The following DENND1A variants were observed in gnomAD, a reference collection of about 807,000 sequenced individuals.
DENND1A encodes DENN domain-containing protein 1A.
A neutral mutation model predicts 113.7 loss-of-function variants in DENND1A; 51 were observed. That is an observed-to-expected ratio of 0.45 (90% CI 0.36 to 0.57). DENND1A has a LOEUF of 0.57. Among genes scored for constraint, DENND1A ranks in the 20% least tolerant of loss-of-function variants. The pLI is 0.00. For synonymous variants in DENND1A, 565 were observed against 570.8 expected, an observed-to-expected ratio of 0.99 and a Z score of 0.14; for missense variants, 1,258 against 1,395.9, an observed-to-expected ratio of 0.90 and a Z score of 1.57.
chr9:123,430,454 GA>G (rs2046051647), intron 19 of DENND1A, among the ~76,000 whole-genome samples: 1 of 152,118 alleles, frequency 6.6e-6, no homozygotes, highest in Non-Finnish European at 1.5e-5. Flanking sequence ...ATGATAGACT[GA>G]AAAAAGAAAA....
chr9:123,453,419 A>C (rs55746615), intron 16 of DENND1A, among the ~76,000 whole-genome samples: 16 of 152,326 alleles, frequency 1.1e-4, no homozygotes, highest in Non-Finnish European at 1.8e-4. Flanking sequence ...GAAGCTGAAA[A>C]GCCATGGCGT....
chr9:123,432,962 C>T (rs72755177), intron 19 of DENND1A, among the ~76,000 whole-genome samples: 2,893 of 152,226 alleles, frequency 0.019, 40 homozygotes, highest in Non-Finnish European at 0.031. Context: ...TGCATAGGGC[C>T]GCCCCTGAGG....
intron 19 of DENND1A, 87 bp downstream of exon 19, chr9:123,440,273 A>G (rs2046826606): frequency 7.0e-7 from 1 of 1,435,798 alleles, no homozygotes; most frequent in Non-Finnish European, 9.2e-7. Context: ...ACTGAAATGA[A>G]AAACCGTCTG....
chr9:123,569,965 C>A (rs1386914147), intron 12 of DENND1A, among the ~76,000 whole-genome samples: 2 of 152,116 alleles, frequency 1.3e-5, no homozygotes, highest in Non-Finnish European at 2.9e-5. Context: ...TTTTTGTGAC[C>A]ATTCCCAATC....
intron 10 of DENND1A, among the ~76,000 whole-genome samples, chr9:123,611,651 T>C (rs544033595): frequency 1.6e-4 from 25 of 152,228 alleles, no homozygotes; most frequent in Admixed American, 5.9e-4. Context: ...CATTTAATCA[T>C]GCAATTGACC....
At position 123,599,901 on chromosome 9, in the gene DENND1A, A is replaced by G. The variant is rs117192077; in HGVS notation, c.765+9535T>C. Among the ~76,000 whole-genome samples the G allele has an allele frequency of 8.8e-3, 1,342 of 152,338 alleles. 11 individuals are homozygous for G. The highest frequency in any genetic ancestry group is 0.027 in the Middle Eastern group (8 of 292). On this transcript the variant is annotated intron_variant, in intron 11 of 23. Coordinates refer to ENST00000394215, the MANE Select transcript of DENND1A (RefSeq NM_001352964.2). Reference sequence around the variant, plus strand: ...ACTGTGGTGACCTCACATATCAACAACAAATGCCTGATGGTCACAAACCCA... The same window carrying G: ...ACTGTGGTGACCTCACATATCAACAGCAAATGCCTGATGGTCACAAACCCA...
intron 9 of DENND1A, among the ~76,000 whole-genome samples, chr9:123,644,099 C>T (rs192872402): frequency 4.0e-4 from 61 of 152,086 alleles, no homozygotes; most frequent in South Asian, 3.5e-3. Context: ...CATCAACTTT[C>T]GGGGGTGCTA....
chr9:123,490,690 G>A (rs2051294843), intron 13 of DENND1A, among the ~76,000 whole-genome samples: 2 of 151,192 alleles, frequency 1.3e-5, no homozygotes, highest in Non-Finnish European at 2.9e-5. Flanking sequence ...AAAAAACAAG[G>A]TAAATTAATC....
At chr9:123,896,897 A>G (rs1004023913) in intron 1 of DENND1A, among the ~76,000 whole-genome samples, 2 of 152,208 alleles carry the variant, frequency 1.3e-5, no homozygotes, top group Non-Finnish European at 2.9e-5. Context: ...AATACTCTGG[A>G]AGAGAAGAGG....
chr9:123,557,549 T>C (rs756599925), intron 13 of DENND1A, 21 bp downstream of exon 13: 1 of 1,612,716 alleles, frequency 6.2e-7, no homozygotes, highest in Admixed American at 1.7e-5. Context: ...ACAGGCTCTG[T>C]GACATGCCAA....
chr9:123,620,830 C>T (rs370951328), intron 10 of DENND1A, among the ~76,000 whole-genome samples: 12 of 151,662 alleles, frequency 7.9e-5, no homozygotes, highest in African/African-American at 1.4e-4. Flanking sequence ...CCACTCTTGG[C>T]GTCTTGCTGC....
intron 13 of DENND1A, among the ~76,000 whole-genome samples, chr9:123,520,147 CAAAA>C (rs777054330): frequency 2.7e-5 from 1 of 37,298 alleles, no homozygotes; most frequent in South Asian, 1.1e-3. Flanking sequence ...GATCCTGTCT[CAAAA>C]AAAAAAAAAA....
intron 4 of DENND1A, among the ~76,000 whole-genome samples, chr9:123,758,815 G>A (rs1480289972): frequency 6.6e-6 from 1 of 152,070 alleles, no homozygotes; most frequent in Non-Finnish European, 1.5e-5. Flanking sequence ...TTGTTTTTCT[G>A]TTTTGAGATG....
intron 13 of DENND1A, among the ~76,000 whole-genome samples, chr9:123,528,556 G>A (rs1398756163): frequency 6.6e-6 from 1 of 152,120 alleles, no homozygotes; most frequent in Non-Finnish European, 1.5e-5. Context: ...TCCCTCAGAT[G>A]TGTTCTTCTC....
intron 3 of DENND1A, among the ~76,000 whole-genome samples, chr9:123,786,009 TGGAGAC>T: frequency 6.6e-6 from 1 of 152,078 alleles, no homozygotes; most frequent in African/African-American, 2.4e-5. Flanking sequence ...GGTCAGGAGA[TGGAGAC>T]CAGCCTGGTC....
chr9:123,870,550 C>A (rs1227962087), intron 2 of DENND1A, among the ~76,000 whole-genome samples: 1 of 151,776 alleles, frequency 6.6e-6, no homozygotes, highest in East Asian at 1.9e-4. Flanking sequence ...GATTCTCCTG[C>A]CTCAGCCTCC....
intron 5 of DENND1A, among the ~76,000 whole-genome samples, chr9:123,731,631 T>C (rs1162499296): frequency 4.6e-5 from 7 of 152,146 alleles, no homozygotes; most frequent in Non-Finnish European, 8.8e-5. Flanking sequence ...GAAGAAAAGA[T>C]AGGAGAAAAT....
chr9:123,753,269 G>GA lies in DENND1A; in HGVS notation c.302+4433dup, dbSNP rs1449860265. The stretch of plus-strand genomic sequence containing the variant: ...AACTTTGGATGTATTTGTGGGAGGA[G>GA]AAAAAAACATAAAAATTCCCAGCCT... On this transcript the variant is annotated intron_variant, in intron 5 of 23. Coordinates refer to ENST00000394215, the MANE Select transcript of DENND1A (RefSeq NM_001352964.2). Among the ~76,000 whole-genome samples, 3 of 152,066 alleles carry GA rather than the reference G, an allele frequency of 2.0e-5. No homozygotes were observed. In the South Asian group the frequency reaches 6.2e-4, roughly 32 times the overall value.
chr9:123,685,735 G>C (rs138444353), intron 5 of DENND1A, among the ~76,000 whole-genome samples: 1 of 152,274 alleles, frequency 6.6e-6, no homozygotes, highest in Non-Finnish European at 1.5e-5. Context: ...AATGGCACCT[G>C]CACTGACAAT....
Sources: allele counts gnomAD v4.1 joint callset (sites outside exome capture counted in the v4.1 genomes callset), GRCh38; gene constraint gnomAD v4.1.1; transcripts MANE v1.5; gene names NCBI Gene and HGNC (gene_info 2026-07-23, HGNC 2026-07-21).